TMC5: variants seen among roughly 807,000 people sequenced by gnomAD.
The protein encoded by TMC5 is transmembrane channel like 5.
Under a neutral mutation model 110.5 loss-of-function variants are expected in TMC5, and 86 were observed. The ratio of observed to expected loss-of-function variants is 0.78; its 90% CI spans 0.65 to 0.93. The LOEUF is 0.93. Among genes scored for constraint, TMC5 ranks in the 40% least tolerant of loss-of-function variants. The pLI, the probability that TMC5 is intolerant of heterozygous loss-of-function variation, is 0.00. For missense variants in TMC5, 1,144 were observed against 1,222.8 expected, an observed-to-expected ratio of 0.94 and a Z score of 0.96; for synonymous variants, 455 against 439.5, an observed-to-expected ratio of 1.04 and a Z score of -0.44.
chr16:19,463,695 G>C (rs1968085941), intron 7 of TMC5, 81 bp from the exon 8 acceptor site: 1 of 1,520,044 alleles, frequency 6.6e-7, no homozygotes. Context: ...CATGGTGGCT[G>C]TTTCTGTTAT....
chr16:19,473,904 G>A (rs929415959), intron 11 of TMC5, among the ~76,000 whole-genome samples: 1 of 152,116 alleles, frequency 6.6e-6, no homozygotes. Context: ...CACTTGAACC[G>A]AGGAAGTGGA....
chr16:19,430,919 C>G (rs1157626259), intron 2 of TMC5, among the ~76,000 whole-genome samples: 2 of 143,890 alleles, frequency 1.4e-5, no homozygotes, highest in African/African-American at 2.6e-5. Flanking sequence ...AGTGCAGTGG[C>G]ACGGTCTCAG....
rs56272162 is a variant in TMC5 at position 19,425,121 on chromosome 16, G to T, written c.-307-5292G>T. 6.3e-3 allele frequency among the ~76,000 whole-genome samples: 964 copies of T among 152,260 alleles called. 10 individuals are homozygous for T. Among genetic ancestry groups the T allele is most frequent in the African/African-American group, 0.021 (889 of 41,542 alleles). On this transcript the variant is annotated intron_variant, in intron 1 of 21. Transcript: ENST00000542583. The stretch of plus-strand genomic sequence containing the variant: ...AAATTCCAACGTTTTAGGAGCCTGT[G>T]CCGGAAACCTGGAATAAAGACCAAA...
At position 19,491,161 on chromosome 16, in the gene TMC5, C is replaced by T. The variant is rs1352831491; in HGVS notation, c.2747+593C>T. Among the ~76,000 whole-genome samples the T allele has an allele frequency of 2.0e-5, 3 of 152,186 alleles. No individual in the cohort carries two copies. The East Asian group carries it at 5.8e-4, about 29-fold the overall frequency. On this transcript the variant is annotated intron_variant, in intron 18 of 21. Transcript: ENST00000542583. ...AGTAGCTGGGCTTGCAGGTGTGCAC[C>T]ACTACACTTGGCTAATTTTTAAATT...
intron 3 of TMC5, 140 bp downstream of exon 3, chr16:19,440,966 T>C: frequency 1.3e-6 from 1 of 776,024 alleles, no homozygotes; most frequent in East Asian, 2.7e-5. Flanking sequence ...GAAATGCGCA[T>C]ACCTATCTGT....
chr16:19,445,605 A>AG (rs1967596658), intron 4 of TMC5, among the ~76,000 whole-genome samples: 1 of 151,962 alleles, frequency 6.6e-6, no homozygotes, highest in African/African-American at 2.4e-5. Context: ...ATGGCACAAG[A>AG]GAAAAAAAAA....
At chr16:19,484,116 A>G (rs996892741) in intron 15 of TMC5, among the ~76,000 whole-genome samples, 2 of 152,062 alleles carry the variant, frequency 1.3e-5, no homozygotes, top group Admixed American at 6.6e-5. Context: ...CTGCCTTTGA[A>G]TCATGTTGAG....
chr16:19,490,903 C>CCCT (rs1555486679), intron 18 of TMC5, among the ~76,000 whole-genome samples: 2 of 58,698 alleles, frequency 3.4e-5, no homozygotes, highest in East Asian at 3.8e-4. Context: ...CTCCCTTCCC[C>CCCT]TCCCTTCCCT....
chr16:19,492,917 T>G lies in TMC5; in HGVS notation c.2826+689T>G, dbSNP rs576762595. 3.3e-4 allele frequency among the ~76,000 whole-genome samples: 36 copies of G among 109,866 alleles called. 2 individuals carry two copies. The highest frequency in any genetic ancestry group is 7.5e-4 in the East Asian group (3 of 3,986). The allele number at this position is 109,866 out of a possible 152,430, so 72.1% of individuals were successfully genotyped here. On this transcript the variant is annotated intron_variant, in intron 19 of 21. Coordinates refer to ENST00000542583, the MANE Select transcript of TMC5 (RefSeq NM_001261841.2). ...TATTTTTTATTTATTAAAACTTAGA[T>G]ATATATATATATATATCTCTCTATA...
chr16:19,490,308 C>T (rs752938075), intron 17 of TMC5, 87 bp from the exon 18 acceptor site: 2 of 1,342,638 alleles, frequency 1.5e-6, no homozygotes, highest in Non-Finnish European at 2.1e-6. Flanking sequence ...TGTTTTCAGG[C>T]CCAGAGCCCA....
intron 9 of TMC5, among the ~76,000 whole-genome samples, chr16:19,468,253 G>A (rs1968237818): frequency 6.6e-6 from 1 of 152,166 alleles, no homozygotes; most frequent in African/African-American, 2.4e-5. Flanking sequence ...GGGATTATAG[G>A]TGTTAGCCAT....
intron 2 of TMC5, among the ~76,000 whole-genome samples, chr16:19,432,085 C>A (rs944856989): frequency 6.6e-6 from 1 of 151,986 alleles, no homozygotes; most frequent in African/African-American, 2.4e-5. Flanking sequence ...TAGCTTGAGG[C>A]GGGGAGAAGT....
chr16:19,489,842 ACAGTGGTGTGATCACAGCT>A (rs1440432262), intron 17 of TMC5, among the ~76,000 whole-genome samples: 17 of 150,544 alleles, frequency 1.1e-4, no homozygotes, highest in Admixed American at 7.3e-4. Context: ...AGGCTGAAGT[ACAGTGGTGTGATCACAGCT>A]CACTATAGCC....
chr16:19,469,530 G>A (rs1968271808), intron 9 of TMC5, 151 bp from the exon 10 acceptor site: 1 of 891,388 alleles, frequency 1.1e-6, no homozygotes, highest in Admixed American at 2.4e-5. Flanking sequence ...TAACCACTGT[G>A]TGGTGACCAC....
At chr16:19,444,738 C>T (rs1018605148) in intron 4 of TMC5, among the ~76,000 whole-genome samples, 3 of 152,188 alleles carry the variant, frequency 2.0e-5, no homozygotes, top group Non-Finnish European at 2.9e-5. Flanking sequence ...GCAATCAGCA[C>T]GTATGTGTTC....
intron 8 of TMC5, among the ~76,000 whole-genome samples, chr16:19,464,780 GAA>G (rs964007364): frequency 6.6e-6 from 1 of 151,498 alleles, no homozygotes; most frequent in African/African-American, 2.4e-5. Context: ...AAAACTAAGA[GAA>G]AGTTCATTTT....
At chr16:19,459,917 C>A (rs376209901) in intron 5 of TMC5, among the ~76,000 whole-genome samples, 528 of 95,446 alleles carry the variant, frequency 5.5e-3, no homozygotes, top group Middle Eastern at 0.015. Context: ...GATCCTGTCT[C>A]AAAAAAAAAA....
In TMC5 at chr16:19,471,068, A is replaced by G. The variant is rs555772905; in HGVS notation, c.1783-1020A>G. Among the ~76,000 whole-genome samples, 3 of 151,180 alleles carry G rather than the reference A, an allele frequency of 2.0e-5. No homozygotes were observed. In the South Asian group the frequency reaches 6.3e-4, roughly 32 times the overall value. On this transcript the variant is annotated intron_variant, in intron 10 of 21. Coordinates refer to ENST00000542583, the MANE Select transcript of TMC5 (RefSeq NM_001261841.2). ...AAAACAAAGAGCAAGCTGATTTTAT[A>G]AATAAAGGGGCTTTAAATTTTTTTT...
intron 2 of TMC5, among the ~76,000 whole-genome samples, chr16:19,439,215 C>T (rs944728344): frequency 1.3e-5 from 2 of 152,192 alleles, no homozygotes; most frequent in Non-Finnish European, 2.9e-5. Flanking sequence ...CAAAAGTATC[C>T]TGTGGTCTGT....
Sources: allele counts gnomAD v4.1 joint callset (sites outside exome capture counted in the v4.1 genomes callset), GRCh38; gene constraint gnomAD v4.1.1; transcripts MANE v1.5; gene names NCBI Gene and HGNC (gene_info 2026-07-23, HGNC 2026-07-21).